FBN1: variants seen among roughly 807,000 people sequenced by gnomAD.
The protein encoded by FBN1 is fibrillin 1.
A neutral mutation model predicts 365.1 loss-of-function variants in FBN1; 29 were observed. The ratio of observed to expected loss-of-function variants is 0.08; its 90% CI spans 0.06 to 0.11. The LOEUF is 0.11. FBN1 is among the 10% of genes least tolerant of loss of function. The probability of loss-of-function intolerance (pLI) is 1.00; values close to 1 mark genes in which losing one functional copy is unlikely to be tolerated. For synonymous variants in FBN1, 1,210 were observed against 1,270.5 expected (o/e 0.95, Z 1.01); for missense variants, 2,476 against 3,703.2 (o/e 0.67, Z 8.60).
At chr15:48,548,609 G>T (rs1165788572) in intron 6 of FBN1, among the ~76,000 whole-genome samples, 5 of 152,296 alleles carry the variant, frequency 3.3e-5, no homozygotes, top group Admixed American at 2.6e-4. Flanking sequence ...GTGTTACTCT[G>T]TTCCCTCTTA....
intron 6 of FBN1, among the ~76,000 whole-genome samples, chr15:48,573,826 C>T (rs781266126): frequency 6.6e-5 from 10 of 152,240 alleles, no homozygotes; most frequent in Admixed American, 2.0e-4. Context: ...TCAAAGAACT[C>T]TTCTCTGATG....
chr15:48,433,033 CA>C, intron 54 of FBN1, 45 bp from the exon 55 acceptor site: 1 of 1,608,796 alleles, frequency 6.2e-7, no homozygotes, highest in Non-Finnish European at 8.5e-7. Context: ...TGGACAGCAA[CA>C]AAAGGGAACC....
intron 6 of FBN1, among the ~76,000 whole-genome samples, chr15:48,574,211 A>T (rs924348397): frequency 6.6e-6 from 1 of 152,214 alleles, no homozygotes; most frequent in African/African-American, 2.4e-5. Flanking sequence ...ATGGGGAGAT[A>T]AGTATAGACA....
At chr15:48,517,319 G>A (rs2043813332) in intron 10 of FBN1, among the ~76,000 whole-genome samples, 1 of 152,190 alleles carries the variant, frequency 6.6e-6, no homozygotes, top group South Asian at 2.1e-4. Context: ...TGTAAGAGTG[G>A]TGTGGAAGGG....
intron 13 of FBN1, 41 bp from the exon 14 acceptor site, chr15:48,510,210 G>A (rs769906212): frequency 2.4e-5 from 39 of 1,604,320 alleles, no homozygotes; most frequent in Non-Finnish European, 3.2e-5. Context: ...CTTTATTTAG[G>A]GGAGTTAAAA....
chr15:48,483,382 G>A (rs974953863), intron 31 of FBN1, among the ~76,000 whole-genome samples: 16 of 152,304 alleles, frequency 1.1e-4, no homozygotes, highest in East Asian at 7.7e-4. Flanking sequence ...ATTAGAGATC[G>A]TAGAAGAAAA....
chr15:48,469,363 T>TA (rs1052615492), intron 36 of FBN1, among the ~76,000 whole-genome samples: 1 of 152,074 alleles, frequency 6.6e-6, no homozygotes, highest in African/African-American at 2.4e-5. Flanking sequence ...GCGTGAGGCT[T>TA]AGTGTGTTCC....
Position 48,452,573 on chromosome 15 carries a change from C to A in FBN1, c.5534G>T (p.Gly1845Val). ...CKPGYRFTST[G>V]QCNDRNECQE... ...GGGGCACTACATACCATTGCACTGTCCTGTGGAGGTGAAGCGGTAGCCGGG... is the reference window on the plus strand; with the variant it reads ...GGGGCACTACATACCATTGCACTGTACTGTGGAGGTGAAGCGGTAGCCGGG... Residue 1845 changes from glycine (G) to valine (V), a missense_variant, in exon 45 of 66, where the codon GGA becomes GTA. Gly to Val is a moderately radical substitution (Grantham distance 109). This residue lies in a region of FBN1 where 1,780 missense variants were observed against 2,840.8 expected (regional missense o/e 0.63). Transcript: ENST00000316623. The A allele has an allele frequency of 6.2e-7, 1 of 1,614,122 alleles. No individual in the cohort carries two copies. Among genetic ancestry groups the A allele is most frequent in the Non-Finnish European group, 8.5e-7 (1 of 1,179,996 alleles).
chr15:48,490,924 G>A (rs1277817353), intron 24 of FBN1, among the ~76,000 whole-genome samples: 1 of 152,206 alleles, frequency 6.6e-6, no homozygotes, highest in Non-Finnish European at 1.5e-5. Context: ...TGAAATGTAA[G>A]ATGTATCTTC....
Position 48,425,840 on chromosome 15 carries a change from T to C in FBN1, c.7229A>G (p.His2410Arg), listed in dbSNP as rs193922230. 1 of 1,611,152 alleles carries C rather than the reference T, an allele frequency of 6.2e-7. No homozygotes were observed. The highest frequency in any genetic ancestry group is 1.7e-5 in the Admixed American group (1 of 60,018). Residue 2410 changes from histidine (H) to arginine (R), a missense_variant, in exon 59 of 66, where the codon CAC becomes CGC. Transcript: ENST00000316623. ...GADIDECKVIHDVCRNGECVN... is the reference protein window; with the variant it reads ...GADIDECKVIRDVCRNGECVN... Reference sequence around the variant, plus strand: ...ACATTCCCCATTTCGGCAAACATCGTGAATAACCTTGCATTCATCGATATC... The same window carrying C: ...ACATTCCCCATTTCGGCAAACATCGCGAATAACCTTGCATTCATCGATATC...
intron 2 of FBN1, among the ~76,000 whole-genome samples, chr15:48,617,408 C>T (rs542432939): frequency 6.6e-6 from 1 of 151,804 alleles, no homozygotes; most frequent in Non-Finnish European, 1.5e-5. Flanking sequence ...CTCCTGACCT[C>T]GTGATCCGCC....
intron 31 of FBN1, 112 bp downstream of exon 31, chr15:48,483,706 T>G (rs1485117076): frequency 8.0e-7 from 1 of 1,255,516 alleles, no homozygotes; most frequent in Non-Finnish European, 1.1e-6. Flanking sequence ...CCTCTAAATA[T>G]CCTTACTTTT....
At chr15:48,525,232 A>G (rs4410024) in intron 9 of FBN1, among the ~76,000 whole-genome samples, 51,901 of 151,200 alleles carry the variant, frequency 0.34, 10,369 homozygotes, top group African/African-American at 0.56. Context: ...GATTACAGGC[A>G]CCCGCCACGA....
Position 48,463,883 on chromosome 15 carries a change from A to G in FBN1, c.5065+16T>C, listed in dbSNP as rs748529581. ...TGAGAACCAAACATGCATTACTGAG[A>G]AAAGCTTGGACTTACCCATGCAATT... is the stretch of plus-strand genomic sequence containing the variant. On this transcript the variant is annotated intron_variant, in intron 41 of 65. Coordinates refer to ENST00000316623, the MANE Select transcript of FBN1 (RefSeq NM_000138.5). The G allele has an allele frequency of 2.5e-6, 4 of 1,603,206 alleles. No homozygotes were observed. In the African/African-American group the frequency reaches 5.4e-5, roughly 22 times the overall value.
chr15:48,634,838 CAAAAAAAA>C (rs750793468), intron 2 of FBN1, among the ~76,000 whole-genome samples: 3 of 39,308 alleles, frequency 7.6e-5, no homozygotes, highest in African/African-American at 2.4e-4. Context: ...AAGAAGAAAC[CAAAAAAAA>C]AAAAAAAAAA....
intron 55 of FBN1, 131 bp downstream of exon 55, chr15:48,432,735 A>G: frequency 8.3e-7 from 1 of 1,207,298 alleles, no homozygotes; most frequent in Non-Finnish European, 1.2e-6. Context: ...TGGCAGTGAC[A>G]ACCCCCGTAT....
At position 48,411,225 on chromosome 15, in the gene FBN1, A is replaced by G; in HGVS notation, c.8381T>C (p.Leu2794Ser). The change falls in exon 66 of 66, where the codon TTG becomes TCG. Residue 2794 changes from leucine (L) to serine (S), a missense_variant. Leu to Ser is a moderately radical substitution (Grantham distance 145). This residue lies in a region of FBN1 where 177 missense variants were observed against 192.7 expected (regional missense o/e 0.92). Transcript: ENST00000316623. ...LTTLTNHNRY[L>S]IESGNEDGFF... ...GCCATCTTCATTTCCAGATTCGATC[A>G]AGTATCTGTTGTGATTCGTCAGAGT... The G allele has an allele frequency of 6.2e-7, 1 of 1,614,156 alleles. No homozygotes were observed. Among genetic ancestry groups the G allele is most frequent in the Non-Finnish European group, 8.5e-7 (1 of 1,180,012 alleles).
intron 6 of FBN1, among the ~76,000 whole-genome samples, chr15:48,583,498 A>T (rs1182082495): frequency 2.6e-5 from 4 of 152,244 alleles, no homozygotes; most frequent in Non-Finnish European, 1.5e-5. Context: ...AGCCACCTGG[A>T]AACTGTATAC....
chr15:48,474,694 G>A, intron 32 of FBN1, 44 bp from the exon 33 acceptor site: 1 of 1,613,406 alleles, frequency 6.2e-7, no homozygotes. Context: ...CAGCACAAAT[G>A]TCTTTTGGTT....
Sources: allele counts gnomAD v4.1 joint callset (sites outside exome capture counted in the v4.1 genomes callset), GRCh38; gene constraint gnomAD v4.1.1; regional missense constraint gnomAD v4.1.1; transcripts MANE v1.5; gene names NCBI Gene and HGNC (gene_info 2026-07-23, HGNC 2026-07-21).